ZSCAN20: variants seen among roughly 807,000 people sequenced by gnomAD.
ZSCAN20 encodes the protein zinc finger and SCAN domain-containing protein 20.
Under a neutral mutation model 97.1 loss-of-function variants are expected in ZSCAN20, and 39 were observed. The ratio of observed to expected loss-of-function variants is 0.40; its 90% CI spans 0.31 to 0.52. The LOEUF is 0.52. Ranked by LOEUF, ZSCAN20 falls within the 20% of genes least tolerant of loss-of-function variation. The pLI, the probability that ZSCAN20 is intolerant of heterozygous loss-of-function variation, is 0.49. For synonymous variants in ZSCAN20, 456 were observed against 467.3 expected (o/e 0.98, Z 0.31); for missense variants, 1,115 against 1,290.4 (o/e 0.86, Z 2.08).
Position 33,495,585 on chromosome 1 carries a change from A to T in ZSCAN20, c.*109A>T. 9.4e-7 allele frequency: 1 copy of T among 1,068,500 alleles called. No homozygotes were observed. Among genetic ancestry groups the T allele is most frequent in the Non-Finnish European group, 1.2e-6 (1 of 804,128 alleles). 66.2% of individuals were successfully genotyped at this position (1,068,500 alleles called of 1,614,324 possible). A position where few individuals can be genotyped will look rare whatever the true frequency, so the allele number is the denominator to read the frequency against. Reference sequence around the variant, plus strand: ...TTTTAAGCTTGGTGTGTACCCAGGGAAGTTATCTTGGTATAAACCAGGTAA... The same window carrying T: ...TTTTAAGCTTGGTGTGTACCCAGGGTAGTTATCTTGGTATAAACCAGGTAA... On this transcript the variant is annotated 3_prime_UTR_variant, in exon 8 of 8. Transcript: ENST00000684572.
chr1:33,481,152 A>T (rs138337818), intron 2 of ZSCAN20, among the ~76,000 whole-genome samples: 266 of 152,304 alleles, frequency 1.7e-3, no homozygotes, highest in African/African-American at 5.9e-3. Flanking sequence ...AGAACTAAGT[A>T]TGAGAGAGTG....
At chr1:33,475,693 T>C (rs998896222) in intron 1 of ZSCAN20, among the ~76,000 whole-genome samples, 2 of 152,048 alleles carry the variant, frequency 1.3e-5, no homozygotes, top group Non-Finnish European at 2.9e-5. Context: ...AGAGTCGTGC[T>C]CTGTTGCCCA....
Position 33,494,712 on chromosome 1 carries a change from G to C in ZSCAN20, c.2368G>C (p.Gly790Arg). The C allele has an allele frequency of 2.5e-6, 4 of 1,614,080 alleles. No homozygotes were observed. The highest frequency in any genetic ancestry group is 3.4e-6 in the Non-Finnish European group (4 of 1,180,034). Residue 790 changes from glycine (G) to arginine (R), a missense_variant, in exon 8 of 8, where the codon GGG (glycine) becomes CGG (arginine). Physicochemically the swap from Gly to Arg is moderately radical, Grantham distance 125 (BLOSUM62 -2). This residue lies in a region of ZSCAN20 where 554 missense variants were observed against 584.9 expected (regional missense o/e 0.95). Coordinates refer to ENST00000684572, the MANE Select transcript of ZSCAN20 (RefSeq NM_001377376.1). ...NLITHQRIHTGEKPYKCGECW... is the reference protein window; with the variant it reads ...NLITHQRIHTREKPYKCGECW... ...CATCACTCACCAGAGAATTCACACG[G>C]GGGAAAAGCCCTATAAATGTGGAGA...
chr1:33,496,349 T>C lies in ZSCAN20; in HGVS notation c.*873T>C, dbSNP rs1483398562. The C allele has an allele frequency of 2.0e-5, 3 of 152,190 alleles. No homozygotes were observed. Among genetic ancestry groups the C allele is most frequent in the African/African-American group, 4.8e-5 (2 of 41,442 alleles). 9.4% of individuals were successfully genotyped at this position (152,190 alleles called of 1,614,324 possible). A position where few individuals can be genotyped will look rare whatever the true frequency, so the allele number is the denominator to read the frequency against. ...ACATTTTGAATTTTTTAAACAAATA[T>C]GGAAACTGAGAATCCCTAAGGATTA... On this transcript the variant is annotated 3_prime_UTR_variant, in exon 8 of 8. Transcript: ENST00000684572.
chr1:33,491,540 C>G lies in ZSCAN20; in HGVS notation c.1282C>G (p.Pro428Ala), dbSNP rs796404144. 56 of 1,614,064 alleles carry G rather than the reference C, an allele frequency of 3.5e-5. No homozygotes were observed. Among genetic ancestry groups the G allele is most frequent in the Non-Finnish European group, 4.7e-5 (55 of 1,179,936 alleles). Residue 428 changes from proline (P) to alanine (A), a missense_variant, in exon 6 of 8, where the codon CCC becomes GCC. Pro to Ala is a conservative substitution (Grantham distance 27). Coordinates refer to ENST00000684572, the MANE Select transcript of ZSCAN20 (RefSeq NM_001377376.1). The surrounding 1 kb of genome is among the most constrained non-coding windows in gnomAD (Gnocchi z 4.3). The stretch of plus-strand genomic sequence containing the variant: ...TGGCCCAGGAGAGGCCGTGGCACTT[C>G]CCAGGCTCGGGTATAGTGACGCAGA... ...TDGPGEAVAL[P>A]RLGYSDAEMD...
rs932109614 is a variant in ZSCAN20 at position 33,499,469 on chromosome 1, G to A, written c.*3993G>A. Among the ~76,000 whole-genome samples the A allele has an allele frequency of 6.6e-6, 1 of 152,082 alleles. No individual in the cohort carries two copies. Among genetic ancestry groups the A allele is most frequent in the South Asian group, 2.1e-4 (1 of 4,820 alleles). ...CTGCCTGCCAACCAGCTGTGCTTGG[G>A]TGACTCCTGGGCATCTCAAAGCCCC... On this transcript the variant is annotated 3_prime_UTR_variant, in exon 8 of 8. Coordinates refer to ENST00000684572, the MANE Select transcript of ZSCAN20 (RefSeq NM_001377376.1).
chr1:33,477,961 A>G lies in ZSCAN20; in HGVS notation c.-110-1218A>G, dbSNP rs147290650. Among the ~76,000 whole-genome samples the G allele has an allele frequency of 3.6e-3, 546 of 152,198 alleles. 6 individuals are homozygous for G. Among genetic ancestry groups the G allele is most frequent in the African/African-American group, 0.012 (510 of 41,520 alleles). Reference sequence around the variant, plus strand: ...TTTAAGCTGAGACCTTGCTAGCTGAAGGAAGGGAGGAGACCATTCCCAAAG... The same window carrying G: ...TTTAAGCTGAGACCTTGCTAGCTGAGGGAAGGGAGGAGACCATTCCCAAAG... On this transcript the variant is annotated intron_variant, in intron 1 of 7. Coordinates refer to ENST00000684572, the MANE Select transcript of ZSCAN20 (RefSeq NM_001377376.1).
Position 33,489,496 on chromosome 1 carries a change from CCTTGT to C in ZSCAN20, c.682-16_682-12del. 6.2e-7 allele frequency: 1 copy of C among 1,613,328 alleles called. No individual in the cohort carries two copies. Among genetic ancestry groups the C allele is most frequent in the Non-Finnish European group, 8.5e-7 (1 of 1,179,432 alleles). The stretch of plus-strand genomic sequence containing the variant: ...GTCAAAGGTCAGTGATGTTTGGGGT[CCTTGT>C]CTTGTGCATCTCGCAGGAAGCCCTG... On this transcript the variant is annotated splice_polypyrimidine_tract_variant and intron_variant, in intron 4 of 7. Coordinates refer to ENST00000684572, the MANE Select transcript of ZSCAN20 (RefSeq NM_001377376.1).
intron 1 of ZSCAN20, among the ~76,000 whole-genome samples, chr1:33,473,658 A>G (rs1651814855): frequency 6.6e-6 from 1 of 152,116 alleles, no homozygotes. Flanking sequence ...CTTTGCCAAG[A>G]GAACTTCTTT....
chr1:33,493,459 G>T lies in ZSCAN20; in HGVS notation c.1717G>T (p.Ala573Ser). 5.0e-6 allele frequency: 8 copies of T among 1,614,212 alleles called. No individual in the cohort carries two copies. The highest frequency in any genetic ancestry group is 6.8e-6 in the Non-Finnish European group (8 of 1,180,032). ...EELDSLMRARAAVRAMGTVRE... is the reference protein window; with the variant it reads ...EELDSLMRARSAVRAMGTVRE... ...ACTGGACTCGCTGATGAGGGCTCGGGCTGCAGTCAGGGCCATGGGGACTGT... is the reference window on the plus strand; with the variant it reads ...ACTGGACTCGCTGATGAGGGCTCGGTCTGCAGTCAGGGCCATGGGGACTGT... Residue 573 changes from alanine to serine, a missense_variant, in exon 7 of 8, where the codon GCT (alanine) becomes TCT (serine). Transcript: ENST00000684572. The surrounding 1 kb of genome is among the most constrained non-coding windows in gnomAD (Gnocchi z 4.3).
chr1:33,488,983 A>G, intron 3 of ZSCAN20, 132 bp from the exon 4 acceptor site: 1 of 730,514 alleles, frequency 1.4e-6, no homozygotes, highest in African/African-American at 1.8e-5. Context: ...AGGGAAGTAA[A>G]GGGGAAGTCT....
chr1:33,480,265 T>G lies in ZSCAN20; in HGVS notation c.417+560T>G, dbSNP rs755586103. Reference sequence around the variant, plus strand: ...GGCTCACGCCTGTAATCCTAGCACTTTGGGAGGTTGAGGCAGGTGGATTGC... The same window carrying G: ...GGCTCACGCCTGTAATCCTAGCACTGTGGGAGGTTGAGGCAGGTGGATTGC... On this transcript the variant is annotated intron_variant, in intron 2 of 7. Coordinates refer to ENST00000684572, the MANE Select transcript of ZSCAN20 (RefSeq NM_001377376.1). Among the ~76,000 whole-genome samples, 54 of 152,212 alleles carry G rather than the reference T, an allele frequency of 3.5e-4. 1 individual carries two copies. Among genetic ancestry groups the G allele is most frequent in the Non-Finnish European group, 1.9e-4 (13 of 68,030 alleles).
chr1:33,488,762 AG>A, intron 3 of ZSCAN20, 111 bp downstream of exon 3: 1 of 1,202,236 alleles, frequency 8.3e-7, no homozygotes, highest in East Asian at 2.6e-5. Flanking sequence ...AGCAAGGGAT[AG>A]GCTGCAGTGT....
chr1:33,489,299 G>A, intron 4 of ZSCAN20, 108 bp downstream of exon 4: 3 of 1,236,882 alleles, frequency 2.4e-6, no homozygotes, highest in Admixed American at 2.0e-5. Flanking sequence ...AAGGGCATGA[G>A]GCCCAGGGTG....
At chr1:33,474,341 C>G (rs1422706469) in intron 1 of ZSCAN20, among the ~76,000 whole-genome samples, 1 of 152,216 alleles carries the variant, frequency 6.6e-6, no homozygotes, top group East Asian at 1.9e-4. Context: ...GCCTGACAGC[C>G]TTTAAGAGTT....
In ZSCAN20 at chr1:33,494,576, A is replaced by G. The variant is rs1349306278; in HGVS notation, c.2232A>G (p.Gly744=). The part of the protein sequence containing the change: ...GEKPYKCLEC[G]KNFSDRSNLN... ...AGCCCTACAAATGCCTTGAATGTGG[A>G]AAAAACTTTAGTGACCGCTCTAACC... Residue 744 remains glycine, a synonymous_variant, in exon 8 of 8, where the codon GGA becomes GGG. Transcript: ENST00000684572. 6.2e-7 allele frequency: 1 copy of G among 1,613,980 alleles called. No individual in the cohort carries two copies.
intron 1 of ZSCAN20, 79 bp from the exon 2 acceptor site, chr1:33,479,100 C>T (rs181644826): frequency 2.7e-5 from 16 of 588,476 alleles, no homozygotes; most frequent in East Asian, 6.0e-5. Flanking sequence ...GCAAAGGTGG[C>T]GGAAGATATG....
rs1386300718 is a variant in ZSCAN20 at position 33,493,670 on chromosome 1, A to G, written c.1873+55A>G. 2 of 1,485,782 alleles carry G rather than the reference A, an allele frequency of 1.3e-6. No homozygotes were observed. The highest frequency in any genetic ancestry group is 2.3e-5 in the East Asian group (1 of 43,808). The allele number at this position is 1,485,782 out of a possible 1,614,324, so 92.0% of individuals were successfully genotyped here. ...AATCTGTGGGCATGTGGAGAGAATG[A>G]GGAAGCCAGGCTCATTATCTTTTGT... On this transcript the variant is annotated intron_variant, in intron 7 of 7. Coordinates refer to ENST00000684572, the MANE Select transcript of ZSCAN20 (RefSeq NM_001377376.1). This position sits in a 1 kb window ranked among gnomAD's most constrained non-coding sequence, Gnocchi z 4.3.
In ZSCAN20 at chr1:33,494,777, ACAT is replaced by A; in HGVS notation, c.2436_2438del (p.His812del). The A allele has an allele frequency of 6.2e-7, 1 of 1,614,112 alleles. No homozygotes were observed. Among genetic ancestry groups the A allele is most frequent in the Non-Finnish European group, 8.5e-7 (1 of 1,180,012 alleles). ...TCAACCAGAGCTCAAACCTTCTGAAACATCAGAGAATCCACTTGGGAGGAAATC... is the reference window on the plus strand; with the variant it reads ...TCAACCAGAGCTCAAACCTTCTGAAACAGAGAATCCACTTGGGAGGAAATC... On this transcript the variant is annotated inframe_deletion, in exon 8 of 8. Transcript: ENST00000684572.
Sources: gnomAD v4.1 joint callset for allele counts (sites outside exome capture counted in the v4.1 genomes callset) on GRCh38, gnomAD v4.1.1 for gene constraint, gnomAD v4.1.1 regional missense constraint, Gnocchi (gnomAD v3.1) non-coding constraint, MANE v1.5 for transcripts, NCBI Gene and HGNC (gene_info 2026-07-23, HGNC 2026-07-21) for gene names.